The following A2M variants were observed in gnomAD, a reference collection of about 807,000 sequenced individuals.
The protein encoded by A2M is C3 and PZP-like alpha-2-macroglobulin domain-containing protein 5.
In A2M, 128 loss-of-function variants were observed where a neutral mutation model predicts 183.9. The observed-to-expected ratio is 0.70, with a 90% CI of 0.60 to 0.81. The LOEUF (loss-of-function observed/expected upper bound fraction) is 0.81, where lower values mean the gene tolerates loss of function less well. Among genes scored for constraint, A2M ranks in the 30% least tolerant of loss-of-function variants. The pLI, the probability that A2M is intolerant of heterozygous loss-of-function variation, is 0.00. For synonymous variants in A2M, 592 were observed against 670.8 expected (o/e 0.88, Z 1.81); for missense variants, 1,495 against 1,787.6 (o/e 0.84, Z 2.95).
chr12:9,083,189 A>T (rs1363464502), intron 22 of A2M, among the ~76,000 whole-genome samples: 1 of 152,136 alleles, frequency 6.6e-6, no homozygotes, highest in Non-Finnish European at 1.5e-5. Context: ...GAATTGAACA[A>T]TGAGAACACT....
At chr12:9,107,456 G>A in intron 8 of A2M, 68 bp downstream of exon 8, 1 of 1,570,166 alleles carries the variant, frequency 6.4e-7, no homozygotes, top group Non-Finnish European at 8.7e-7. Context: ...TCAGAAAAAT[G>A]CTGCAACTCA....
At chr12:9,076,977 A>G (rs1402428084) in intron 27 of A2M, 41 bp from the exon 28 acceptor site, 32 of 1,502,472 alleles carry the variant, frequency 2.1e-5, no homozygotes, top group African/African-American at 4.2e-5. Flanking sequence ...CTATGTAAAC[A>G]GGCATATTAG....
intron 22 of A2M, among the ~76,000 whole-genome samples, chr12:9,084,516 A>G (rs2137741254): frequency 6.6e-6 from 1 of 152,286 alleles, no homozygotes; most frequent in East Asian, 1.9e-4. Flanking sequence ...CCATAGTAAC[A>G]GCAAGGCAAA....
chr12:9,076,968 T>C (rs777162015), intron 27 of A2M, 32 bp from the exon 28 acceptor site: 114 of 1,520,918 alleles, frequency 7.5e-5, no homozygotes, highest in Non-Finnish European at 1.0e-4. Flanking sequence ...GGAACTAAGC[T>C]ATGTAAACAG....
At position 9,072,635 on chromosome 12, in the gene A2M, C is replaced by T; in HGVS notation, c.3975+18G>A. On this transcript the variant is annotated intron_variant, in intron 30 of 35. Transcript: ENST00000318602. ...GCTGTCCTCATCTGTCCTGTCCTCA[C>T]CTGCCCAAGAGTCTCACCTGGAGGT... 1.2e-6 allele frequency: 2 copies of T among 1,613,140 alleles called. No individual in the cohort carries two copies. Among genetic ancestry groups the T allele is most frequent in the Non-Finnish European group, 8.5e-7 (1 of 1,179,170 alleles).
chr12:9,075,447 A>T (rs977268785), intron 28 of A2M, among the ~76,000 whole-genome samples: 11 of 152,098 alleles, frequency 7.2e-5, no homozygotes, highest in African/African-American at 2.4e-4. Context: ...AGCAAAACAT[A>T]AAAAAAATCC....
chr12:9,087,095 TA>T (rs1454749300), intron 22 of A2M, among the ~76,000 whole-genome samples: 9 of 151,886 alleles, frequency 5.9e-5, no homozygotes, highest in African/African-American at 2.2e-4. Flanking sequence ...CAGTGAAAAT[TA>T]TAAAACACTG....
chr12:9,070,898 G>A (rs780946891), intron 31 of A2M, among the ~76,000 whole-genome samples: 4 of 151,422 alleles, frequency 2.6e-5, no homozygotes, highest in East Asian at 3.9e-4. Flanking sequence ...TCGGCTCACC[G>A]CAACCTCCGC....
In A2M at chr12:9,080,127, C is replaced by T. The variant is rs770670848; in HGVS notation, c.2821G>A (p.Glu941Lys). The T allele has an allele frequency of 1.3e-6, 2 of 1,590,896 alleles. No homozygotes were observed. Among genetic ancestry groups the T allele is most frequent in the South Asian group, 1.2e-5 (1 of 86,912 alleles). Reference protein sequence around the residue: ...LSLKLPPNVVEESARASVSVL... With the variant: ...LSLKLPPNVVKESARASVSVL... Reference sequence around the variant, plus strand: ...GAGACAGAAGCTCGGGCAGATTCTTCTACCACATTTGGTGGCAGTTTCAGG... The same window carrying T: ...GAGACAGAAGCTCGGGCAGATTCTTTTACCACATTTGGTGGCAGTTTCAGG... The change falls in exon 23 of 36, where the codon GAA becomes AAA. Residue 941 changes from glutamate (E) to lysine (K), a missense_variant. By Grantham distance (56) the Glu-to-Lys change is moderately conservative. Coordinates refer to ENST00000318602, the MANE Select transcript of A2M (RefSeq NM_000014.6).
At chr12:9,092,161 AGTAAGGGCACTTCCCAT>A (rs1949232133) in intron 18 of A2M, among the ~76,000 whole-genome samples, 1 of 152,178 alleles carries the variant, frequency 6.6e-6, no homozygotes, top group African/African-American at 2.4e-5. Context: ...GCTGAAAAGC[AGTAAGGGCACTTCCCAT>A]GCCTCCTTCC....
rs1948841831 is a variant in A2M, at chr12:9,079,439, T to C, written c.3032-108A>G. ...CTCTTGTGACATTTCTTAAATTTTG[T>C]TGTCATAGATTAGGAGTTTCTGAGC... On this transcript the variant is annotated intron_variant, in intron 24 of 35. Coordinates refer to ENST00000318602, the MANE Select transcript of A2M (RefSeq NM_000014.6). 5 of 1,247,084 alleles carry C rather than the reference T, an allele frequency of 4.0e-6. No homozygotes were observed. In the South Asian group the frequency reaches 6.5e-5, roughly 16 times the overall value. The allele number at this position is 1,247,084 out of a possible 1,614,324, so 77.3% of individuals were successfully genotyped here.
intron 22 of A2M, among the ~76,000 whole-genome samples, chr12:9,080,924 T>C (rs983851806): frequency 6.6e-6 from 1 of 152,080 alleles, no homozygotes; most frequent in Admixed American, 6.5e-5. Context: ...CAAAATAAAA[T>C]GCTTGACTCA....
chr12:9,110,343 C>T lies in A2M; in HGVS notation c.484-9G>A. On this transcript the variant is annotated splice_polypyrimidine_tract_variant and intron_variant, in intron 4 of 35. Transcript: ENST00000318602. ...ATGTATACTAGTGGAATCTGAAAGA[C>T]AAAAGAAAAAAGAAGTTTATAATTA... 7.1e-7 allele frequency: 1 copy of T among 1,410,484 alleles called. No homozygotes were observed. Among genetic ancestry groups the T allele is most frequent in the Admixed American group, 2.7e-5 (1 of 37,692 alleles). 87.4% of individuals were successfully genotyped at this position (1,410,484 alleles called of 1,614,324 possible).
intron 18 of A2M, among the ~76,000 whole-genome samples, chr12:9,093,197 G>A (rs1374132198): frequency 6.6e-6 from 1 of 152,176 alleles, no homozygotes; most frequent in Admixed American, 6.5e-5. Context: ...TGATAATACT[G>A]TATTGGATAC....
intron 17 of A2M, among the ~76,000 whole-genome samples, chr12:9,093,861 G>A (rs764648699): frequency 4.7e-5 from 7 of 149,598 alleles, no homozygotes; most frequent in Non-Finnish European, 1.0e-4. Context: ...TCCAGCCTGG[G>A]CGACCTGAGC....
At chr12:9,094,869 A>T in intron 17 of A2M, 104 bp downstream of exon 17, 1 of 549,366 alleles carries the variant, frequency 1.8e-6, no homozygotes, top group Non-Finnish European at 3.0e-6. Context: ...TGTATGACTC[A>T]CATGTCCTTT....
chr12:9,109,232 C>G, intron 7 of A2M, 89 bp downstream of exon 7: 1 of 1,035,028 alleles, frequency 9.7e-7, no homozygotes, highest in Non-Finnish European at 1.4e-6. Context: ...TGTGTTGCCA[C>G]TGCTCCCGGA....
rs778951220 is a variant in A2M, at chr12:9,080,212, A to C, written c.2771-35T>G. Reference sequence around the variant, plus strand: ...TAAGCAAATCAGACATATGAAAATTATTTCTGCATTATATCTTTCTAAACA... The same window carrying C: ...TAAGCAAATCAGACATATGAAAATTCTTTCTGCATTATATCTTTCTAAACA... On this transcript the variant is annotated intron_variant, in intron 22 of 35. Transcript: ENST00000318602. 7 of 1,390,672 alleles carry C rather than the reference A, an allele frequency of 5.0e-6. 1 individual carries two copies. The South Asian group carries it at 7.4e-5, about 15-fold the overall frequency. The allele number at this position is 1,390,672 out of a possible 1,614,324, so 86.1% of individuals were successfully genotyped here. A position where few individuals can be genotyped will look rare whatever the true frequency, so the allele number is the denominator to read the frequency against.
Position 9,109,308 on chromosome 12 carries a change from A to G in A2M, c.758+13T>C, listed in dbSNP as rs778665358. The G allele has an allele frequency of 1.9e-6, 3 of 1,600,494 alleles. No individual in the cohort carries two copies. The highest frequency in any genetic ancestry group is 2.6e-6 in the Non-Finnish European group (3 of 1,168,450). Reference sequence around the variant, plus strand: ...ATAATCCCCCACAAAAGATTTTTAAAAAATGAACTCACAGGCCACACACTG... The same window carrying G: ...ATAATCCCCCACAAAAGATTTTTAAGAAATGAACTCACAGGCCACACACTG... On this transcript the variant is annotated intron_variant, in intron 7 of 35. Coordinates refer to ENST00000318602, the MANE Select transcript of A2M (RefSeq NM_000014.6).
Sources: allele counts gnomAD v4.1 joint callset (sites outside exome capture counted in the v4.1 genomes callset), GRCh38; gene constraint gnomAD v4.1.1; transcripts MANE v1.5; gene names NCBI Gene and HGNC (gene_info 2026-07-23, HGNC 2026-07-21).